Variants in AVIL observed in about 807,000 individuals in gnomAD.
The protein encoded by AVIL is advillin.
Under a neutral mutation model 109.9 loss-of-function variants are expected in AVIL, and 78 were observed. The observed-to-expected ratio is 0.71, with a 90% CI of 0.59 to 0.86. AVIL has a LOEUF of 0.86. Among genes scored for constraint, AVIL ranks in the 40% least tolerant of loss-of-function variants. The pLI is 0.00. For missense variants in AVIL, 892 were observed against 1,016.5 expected (o/e 0.88, Z 1.67); for synonymous variants, 367 against 379.1 (o/e 0.97, Z 0.37).
rs1250312039 is a variant in AVIL at position 57,813,260 on chromosome 12, TCTGACTCATGGTA to T, written c.292_304del (p.Tyr98ThrfsTer22). 1.2e-6 allele frequency: 2 copies of T among 1,613,764 alleles called. No homozygotes were observed. The highest frequency in any genetic ancestry group is 3.3e-5 in the Admixed American group (2 of 60,008). On this transcript the variant is annotated frameshift_variant, in exon 4 of 20. Transcript: ENST00000549994. LOFTEE classifies it high-confidence loss of function. ...CTGCTTGAAGTAGCCACGGAAAGTG[TCTGACTCATGGTA>T]CTGGACCTCTCGGTGCTGCACAGGG... is the stretch of plus-strand genomic sequence containing the variant.
At chr12:57,801,040 T>C in intron 18 of AVIL, 104 bp downstream of exon 18, 2 of 898,094 alleles carry the variant, frequency 2.2e-6, no homozygotes, top group Non-Finnish European at 3.5e-6. Flanking sequence ...ACTATGGTAA[T>C]ACTAAGGACA....
chr12:57,801,247 C>A (rs1955842393), intron 17 of AVIL, 35 bp from the exon 18 acceptor site: 4 of 1,579,942 alleles, frequency 2.5e-6, no homozygotes, highest in South Asian at 1.1e-5. Flanking sequence ...AGGATGAGGT[C>A]TTTCTTATAG....
chr12:57,805,815 G>C (rs1425479107), intron 14 of AVIL: 2 of 141,002 alleles, frequency 1.4e-5, no homozygotes, highest in Non-Finnish European at 3.0e-5. Flanking sequence ...GATTACAAGT[G>C]TGAGCCACTG....
chr12:57,815,816 A>C (rs1217618616), intron 2 of AVIL, 159 bp downstream of exon 2: 2 of 1,510,950 alleles, frequency 1.3e-6, no homozygotes, highest in Non-Finnish European at 1.8e-6. Context: ...AGCACCCAGG[A>C]GAGGTGAAGG....
intron 4 of AVIL, among the ~76,000 whole-genome samples, chr12:57,812,522 C>A (rs1044015101): frequency 6.6e-6 from 1 of 151,800 alleles, no homozygotes; most frequent in Non-Finnish European, 1.5e-5. Context: ...CCAGCATGCC[C>A]GGCTAATTTT....
chr12:57,802,394 G>GACTAAGT, intron 16 of AVIL, 46 bp from the exon 17 acceptor site: 1 of 1,550,638 alleles, frequency 6.4e-7, no homozygotes, highest in Non-Finnish European at 8.8e-7. Flanking sequence ...TCATACCAAG[G>GACTAAGT]ACTAAGTACT....
chr12:57,811,181 G>A (rs1255116395), intron 4 of AVIL, 54 bp from the exon 5 acceptor site: 2 of 1,536,948 alleles, frequency 1.3e-6, no homozygotes, highest in Non-Finnish European at 1.8e-6. Flanking sequence ...TAGGTTCTGG[G>A]GAGACAGTGG....
intron 7 of AVIL, 39 bp downstream of exon 7, chr12:57,810,310 A>C: frequency 1.8e-5 from 28 of 1,558,420 alleles, no homozygotes; most frequent in Non-Finnish European, 2.3e-5. Flanking sequence ...CCTTCCCCCC[A>C]ACCCCAGCTT....
In AVIL at chr12:57,810,927, C is replaced by T. The variant is rs1956029050; in HGVS notation, c.448-1G>A. 6.2e-7 allele frequency: 1 copy of T among 1,614,162 alleles called. No individual in the cohort carries two copies. The highest frequency in any genetic ancestry group is 1.6e-4 in the Middle Eastern group (1 of 6,062). On this transcript the variant is annotated splice_acceptor_variant, in intron 5 of 19. Coordinates refer to ENST00000549994, the MANE Select transcript of AVIL (RefSeq NM_006576.4). LOFTEE classifies it high-confidence loss of function. ...TGAAACTGTCCCAGCTCATTTCCAC[C>T]TGTCGATGAGAGGTAAACATTGTTC...
chr12:57,810,389 T>A lies in AVIL; in HGVS notation c.721A>T (p.Ile241Phe). 1 of 1,614,198 alleles carries A rather than the reference T, an allele frequency of 6.2e-7. No homozygotes were observed. Among genetic ancestry groups the A allele is most frequent in the Non-Finnish European group, 8.5e-7 (1 of 1,180,042 alleles). Residue 241 changes from isoleucine (I) to phenylalanine (F), a missense_variant, in exon 7 of 20, where the codon ATC becomes TTC. Transcript: ENST00000549994. ...SIIKPTVPDE[I>F]IDQKQKSTIM... ...GTTGATTTCTGCTTCTGATCTATGA[T>A]CTCATCAGGGACTGTAGGCTTGATA... is the stretch of plus-strand genomic sequence containing the variant.
chr12:57,799,768 A>C, intron 19 of AVIL, 27 bp downstream of exon 19: 1 of 1,613,060 alleles, frequency 6.2e-7, no homozygotes, highest in Non-Finnish European at 8.5e-7. Flanking sequence ...TCCACTTCCA[A>C]CAGACACAGT....
chr12:57,802,174 G>T lies in AVIL; in HGVS notation c.2137C>A (p.Pro713Thr). Reference protein sequence around the residue: ...IFTGWFLAWDPNIWSAGKTYE... With the variant: ...IFTGWFLAWDTNIWSAGKTYE... ...TCTTTTCTTACACTCCAAATGTTAG[G>T]GTCCCAGGCTAGGAACCAGCCTGTG... Residue 713 changes from proline to threonine, a missense_variant, in exon 17 of 20, where the codon CCT (proline) becomes ACT (threonine). By Grantham distance (38) the Pro-to-Thr change is conservative (BLOSUM62 -1). Coordinates refer to ENST00000549994, the MANE Select transcript of AVIL (RefSeq NM_006576.4). 2 of 1,613,930 alleles carry T rather than the reference G, an allele frequency of 1.2e-6. No individual in the cohort carries two copies. The highest frequency in any genetic ancestry group is 4.5e-5 in the East Asian group (2 of 44,882).
At chr12:57,815,826 G>A in intron 2 of AVIL, 149 bp downstream of exon 2, 2 of 1,523,822 alleles carry the variant, frequency 1.3e-6, no homozygotes, top group Non-Finnish European at 1.8e-6. Context: ...AGAGGTGAAG[G>A]ATGGGAAATA....
At chr12:57,802,022 A>C in intron 17 of AVIL, 138 bp downstream of exon 17, 1 of 978,418 alleles carries the variant, frequency 1.0e-6, no homozygotes, top group East Asian at 2.6e-5. Flanking sequence ...GAAAAGTAAA[A>C]GGCAGGGAGT....
Position 57,813,290 on chromosome 12 carries a change from T to C in AVIL, c.275A>G (p.Gln92Arg), listed in dbSNP as rs1956060081. The C allele has an allele frequency of 3.7e-6, 6 of 1,614,148 alleles. No individual in the cohort carries two copies. The highest frequency in any genetic ancestry group is 1.6e-4 in the Middle Eastern group (1 of 6,062). ...LDDYLGGSPV[Q>R]HREVQYHESD... ...CTCATGGTACTGGACCTCTCGGTGC[T>C]GCACAGGGCTGCCTCCCAGGTAGTC... Residue 92 changes from glutamine (Q) to arginine (R), a missense_variant, in exon 4 of 20, where the codon CAG becomes CGG. Gln to Arg is a conservative substitution (Grantham distance 43). Transcript: ENST00000549994.
At chr12:57,803,099 T>G in intron 16 of AVIL, 148 bp downstream of exon 16, 1 of 1,057,600 alleles carries the variant, frequency 9.5e-7, no homozygotes, top group Non-Finnish European at 1.3e-6. Flanking sequence ...AACCCGGGCT[T>G]TCTTTTGGTC....
Position 57,808,267 on chromosome 12 carries a change from A to G in AVIL, c.1121T>C (p.Val374Ala), listed in dbSNP as rs752861727. ...CTCTGGCTTGGTGTGTAGCAGAGTC[A>G]CATCAAATTTATCCTGGAAAACTTT... ...IAKVFQDKFD[V>A]TLLHTKPEVA... The change falls in exon 11 of 20, where the codon GTG becomes GCG. Residue 374 changes from valine to alanine, a missense_variant. Physicochemically the swap from Val to Ala is moderately conservative, Grantham distance 64. Transcript: ENST00000549994. 1 of 1,614,080 alleles carries G rather than the reference A, an allele frequency of 6.2e-7. No homozygotes were observed. The highest frequency in any genetic ancestry group is 1.3e-5 in the African/African-American group (1 of 74,924).
chr12:57,814,110 C>T lies in AVIL; in HGVS notation c.141+42G>A, dbSNP rs758507286. ...CTCCCAGTACAGCCCAAGAACTGGC[C>T]CCAGGGGAGAGGCTCACAGGAGTGG... On this transcript the variant is annotated intron_variant, in intron 3 of 19. Coordinates refer to ENST00000549994, the MANE Select transcript of AVIL (RefSeq NM_006576.4). 10 of 1,603,508 alleles carry T rather than the reference C, an allele frequency of 6.2e-6. 2 individuals are homozygous for T. Among genetic ancestry groups the T allele is most frequent in the South Asian group, 5.6e-5 (5 of 89,536 alleles).
chr12:57,809,601 G>A lies in AVIL; in HGVS notation c.935C>T (p.Ala312Val), dbSNP rs148973636. Residue 312 changes from alanine to valine, a missense_variant, in exon 9 of 20, where the codon GCG becomes GTG. Physicochemically the swap from Ala to Val is moderately conservative, Grantham distance 64. Transcript: ENST00000549994. ...TTGCACATCTGTAGCTCCTACCAGC[G>A]CTTTAGACATGGCTGCCTGTTTTTC... Reference protein sequence around the residue: ...KAEKQAAMSKALGFIKMKSYP... With the variant: ...KAEKQAAMSKVLGFIKMKSYP... 51 of 1,614,102 alleles carry A rather than the reference G, an allele frequency of 3.2e-5. No homozygotes were observed. In the South Asian group the frequency reaches 4.3e-4, roughly 14 times the overall value.
Sources: allele counts gnomAD v4.1 joint callset (sites outside exome capture counted in the v4.1 genomes callset), GRCh38; gene constraint gnomAD v4.1.1; transcripts MANE v1.5; gene names NCBI Gene and HGNC (gene_info 2026-07-23, HGNC 2026-07-21).